CNTNAP2: variants seen among roughly 807,000 people sequenced by gnomAD.
The protein encoded by CNTNAP2 is contactin associated protein 2, also known as contactin-associated protein-like 2.
In CNTNAP2, 98 loss-of-function variants were observed where a neutral mutation model predicts 155.2. The observed-to-expected ratio is 0.63, with a 90% CI of 0.54 to 0.75. The LOEUF is 0.75. Ranked by LOEUF, CNTNAP2 falls within the 30% of genes least tolerant of loss-of-function variation. CNTNAP2 has a pLI of 0.00. For synonymous variants in CNTNAP2, 651 were observed against 631.2 expected (o/e 1.03, Z -0.47); for missense variants, 1,727 against 1,688.1 (o/e 1.02, Z -0.40).
intron 1 of CNTNAP2, among the ~76,000 whole-genome samples, chr7:146,475,841 T>C (rs1487945095): frequency 6.6e-6 from 1 of 152,174 alleles, no homozygotes; most frequent in Admixed American, 6.5e-5. Context: ...GAGTTGGAGC[T>C]AATGATGTTG....
intron 1 of CNTNAP2, among the ~76,000 whole-genome samples, chr7:146,494,348 T>TAG (rs1797183243): frequency 1.3e-5 from 2 of 150,680 alleles, no homozygotes; most frequent in African/African-American, 4.9e-5. Flanking sequence ...AAAAAATAAA[T>TAG]AAATAAAAAT....
intron 10 of CNTNAP2, among the ~76,000 whole-genome samples, chr7:147,467,510 A>G (rs1798141251): frequency 6.6e-6 from 1 of 152,206 alleles, no homozygotes; most frequent in Non-Finnish European, 1.5e-5. Context: ...CTCAGAGTGA[A>G]ATAATAGATA....
intron 1 of CNTNAP2, among the ~76,000 whole-genome samples, chr7:146,583,440 A>G (rs1377147573): frequency 6.6e-6 from 1 of 152,136 alleles, no homozygotes; most frequent in Non-Finnish European, 1.5e-5. Context: ...GAAGTTGAGC[A>G]TGAGAATCTG....
In CNTNAP2 at chr7:148,067,062, G is replaced by T. The variant is rs145084387; in HGVS notation, c.2384-51056G>T. ...TTTCACCTTTCTCTGGTGCCTCCTT[G>T]AGTATCTTAATAATCAACCTACCGA... On this transcript the variant is annotated intron_variant, in intron 15 of 23. Coordinates refer to ENST00000361727, the MANE Select transcript of CNTNAP2 (RefSeq NM_014141.6). Among the ~76,000 whole-genome samples the T allele has an allele frequency of 9.4e-3, 1,436 of 152,124 alleles. 29 individuals carry two copies. Among genetic ancestry groups the T allele is most frequent in the African/African-American group, 0.033 (1,355 of 41,478 alleles).
At chr7:147,102,418 T>A (rs1252785552) in intron 4 of CNTNAP2, among the ~76,000 whole-genome samples, 1 of 152,056 alleles carries the variant, frequency 6.6e-6, no homozygotes, top group East Asian at 1.9e-4. Context: ...GCCTGTGGAA[T>A]ATCCATGTGG....
intron 3 of CNTNAP2, among the ~76,000 whole-genome samples, chr7:146,892,183 A>G (rs1455726316): frequency 6.6e-6 from 1 of 152,186 alleles, no homozygotes; most frequent in African/African-American, 2.4e-5. Flanking sequence ...ATGGCTGGCA[A>G]GTTGATGCTG....
chr7:146,655,431 A>AAAAG (rs1563174633), intron 1 of CNTNAP2, among the ~76,000 whole-genome samples: 5 of 151,116 alleles, frequency 3.3e-5, no homozygotes, highest in African/African-American at 1.2e-4. Context: ...AAAAAAAAAA[A>AAAAG]AAAGAAAGAA....
At chr7:147,623,646 A>G (rs188634628) in intron 12 of CNTNAP2, among the ~76,000 whole-genome samples, 13 of 152,232 alleles carry the variant, frequency 8.5e-5, no homozygotes, top group African/African-American at 2.6e-4. Flanking sequence ...ATGAATTGAA[A>G]TAATCAATAT....
At chr7:147,581,244 T>C (rs1464025788) in intron 12 of CNTNAP2, among the ~76,000 whole-genome samples, 2 of 152,222 alleles carry the variant, frequency 1.3e-5, no homozygotes, top group Non-Finnish European at 2.9e-5. Context: ...AGGTATAAGA[T>C]ACTGTATAAA....
intron 17 of CNTNAP2, among the ~76,000 whole-genome samples, chr7:148,169,108 G>T (rs1354668049): frequency 6.6e-6 from 1 of 152,160 alleles, no homozygotes; most frequent in Non-Finnish European, 1.5e-5. Flanking sequence ...AGCTCATATT[G>T]TTATTAATCA....
At chr7:146,933,066 TC>T (rs1010134266) in intron 3 of CNTNAP2, among the ~76,000 whole-genome samples, 13 of 152,142 alleles carry the variant, frequency 8.5e-5, no homozygotes, top group African/African-American at 3.1e-4. Context: ...ATGACTTTCT[TC>T]ACAGAATTGG....
intron 12 of CNTNAP2, among the ~76,000 whole-genome samples, chr7:147,629,122 C>A (rs1795038836): frequency 6.6e-6 from 1 of 152,044 alleles, no homozygotes; most frequent in Non-Finnish European, 1.5e-5. Context: ...CGGACATAGG[C>A]CGACCGCTGT....
intron 8 of CNTNAP2, chr7:147,167,284 C>A (rs1802133395): frequency 2.4e-5 from 9 of 382,630 alleles, no homozygotes; most frequent in East Asian, 4.1e-5. Context: ...TTTTCTTTAA[C>A]GTTTATAATC....
intron 1 of CNTNAP2, among the ~76,000 whole-genome samples, chr7:146,704,917 C>G (rs1034479187): frequency 6.6e-6 from 1 of 152,110 alleles, no homozygotes; most frequent in Admixed American, 6.6e-5. Flanking sequence ...AATTTTCTTT[C>G]CTGTCAACTT....
At chr7:146,940,696 T>TACACACAC (rs112623198) in intron 3 of CNTNAP2, among the ~76,000 whole-genome samples, 8 of 148,994 alleles carry the variant, frequency 5.4e-5, no homozygotes, top group Non-Finnish European at 8.9e-5. Flanking sequence ...TATATATATA[T>TACACACAC]ACACACACAC....
chr7:147,807,047 C>T (rs1447016020), intron 13 of CNTNAP2, among the ~76,000 whole-genome samples: 1 of 152,060 alleles, frequency 6.6e-6, no homozygotes, highest in Non-Finnish European at 1.5e-5. Flanking sequence ...CATTGTGGCT[C>T]AAGCCTGTAA....
chr7:147,665,143 C>G (rs1409445437), intron 13 of CNTNAP2, among the ~76,000 whole-genome samples: 1 of 152,126 alleles, frequency 6.6e-6, no homozygotes, highest in African/African-American at 2.4e-5. Flanking sequence ...TGAAACCTAC[C>G]CCACCAAGTA....
chr7:147,477,898 A>G (rs943224241), intron 10 of CNTNAP2, among the ~76,000 whole-genome samples: 4 of 152,210 alleles, frequency 2.6e-5, no homozygotes, highest in Non-Finnish European at 4.4e-5. Flanking sequence ...TACATTCTCC[A>G]AGAAAATCCC....
intron 3 of CNTNAP2, among the ~76,000 whole-genome samples, chr7:146,895,263 C>CCCTT (rs1795852359): frequency 7.0e-6 from 1 of 141,850 alleles, no homozygotes; most frequent in Admixed American, 7.1e-5. Context: ...TACTTCCTTC[C>CCCTT]CCTTCCTTCT....
Sources: gnomAD v4.1 joint callset for allele counts (sites outside exome capture counted in the v4.1 genomes callset) on GRCh38, gnomAD v4.1.1 for gene constraint, MANE v1.5 for transcripts, NCBI Gene and HGNC (gene_info 2026-07-23, HGNC 2026-07-21) for gene names.